The following NELL1 variants were observed in gnomAD, a reference collection of about 807,000 sequenced individuals.
The protein encoded by NELL1 is protein kinase C-binding protein NELL1.
A neutral mutation model predicts 107.4 loss-of-function variants in NELL1; 76 were observed. That is an observed-to-expected ratio of 0.71 (90% CI 0.59 to 0.86). The LOEUF is 0.86. Ranked by LOEUF, NELL1 falls within the 40% of genes least tolerant of loss-of-function variation. NELL1 has a pLI of 0.00. For synonymous variants in NELL1, 353 were observed against 341.2 expected, an observed-to-expected ratio of 1.03 and a Z score of -0.38; for missense variants, 1,024 against 1,005.5, an observed-to-expected ratio of 1.02 and a Z score of -0.25.
intron 15 of NELL1, among the ~76,000 whole-genome samples, chr11:21,510,309 G>A (rs1340527029): frequency 2.0e-5 from 3 of 152,224 alleles, no homozygotes; most frequent in African/African-American, 7.2e-5. Flanking sequence ...CTGGAGGGGA[G>A]CACAGAATCC....
chr11:21,120,495 C>T (rs1212504763), intron 13 of NELL1, among the ~76,000 whole-genome samples: 1 of 152,104 alleles, frequency 6.6e-6, no homozygotes, highest in Non-Finnish European at 1.5e-5. Context: ...TCATCATTAT[C>T]TTTCAGGCCC....
intron 2 of NELL1, among the ~76,000 whole-genome samples, chr11:20,775,726 T>C (rs1856738305): frequency 6.6e-6 from 1 of 152,210 alleles, no homozygotes; most frequent in African/African-American, 2.4e-5. Context: ...ACTAGTATTG[T>C]CAAATGTTTT....
At chr11:20,810,415 T>C (rs1473465042) in intron 3 of NELL1, among the ~76,000 whole-genome samples, 1 of 152,194 alleles carries the variant, frequency 6.6e-6, no homozygotes, top group Non-Finnish European at 1.5e-5. Flanking sequence ...TGTATTATTC[T>C]TATGCCTTTG....
chr11:20,806,274 GTGTGTGTGTGTT>G (rs1857382754), intron 3 of NELL1, among the ~76,000 whole-genome samples: 1 of 151,646 alleles, frequency 6.6e-6, no homozygotes, highest in South Asian at 2.2e-4. Flanking sequence ...GTGTGTGTGT[GTGTGTGTGTGTT>G]TGTGTTTGTG....
At chr11:21,493,153 A>G (rs754786905) in intron 15 of NELL1, among the ~76,000 whole-genome samples, 2 of 152,128 alleles carry the variant, frequency 1.3e-5, no homozygotes, top group Non-Finnish European at 1.5e-5. Flanking sequence ...GTAAATTAGT[A>G]AAACCACTAT....
At chr11:21,570,290 C>T (rs1412178857) in intron 17 of NELL1, among the ~76,000 whole-genome samples, 2 of 151,728 alleles carry the variant, frequency 1.3e-5, no homozygotes, top group Non-Finnish European at 1.5e-5. Context: ...GTGGTTTAGC[C>T]TCTCTGGGTC....
intron 3 of NELL1, among the ~76,000 whole-genome samples, chr11:20,838,822 C>G (rs1454902376): frequency 6.6e-6 from 1 of 152,092 alleles, no homozygotes; most frequent in Non-Finnish European, 1.5e-5. Context: ...ACCACTACAA[C>G]TACAACCACC....
intron 13 of NELL1, among the ~76,000 whole-genome samples, chr11:21,193,381 AG>A (rs905006886): frequency 9.9e-5 from 15 of 151,940 alleles, no homozygotes; most frequent in African/African-American, 3.6e-4. Context: ...TAATTTTTCA[AG>A]AACTGGAGAA....
chr11:21,561,990 T>C (rs559647438), intron 17 of NELL1, among the ~76,000 whole-genome samples: 2 of 152,008 alleles, frequency 1.3e-5, no homozygotes, highest in Non-Finnish European at 2.9e-5. Flanking sequence ...TGCTAGGTCA[T>C]TTCAAGAAAC....
chr11:21,467,792 C>T (rs1003986896), intron 15 of NELL1, among the ~76,000 whole-genome samples: 1 of 151,924 alleles, frequency 6.6e-6, no homozygotes, highest in African/African-American at 2.4e-5. Flanking sequence ...GATGGTGAAC[C>T]GCTGCAATAG....
At chr11:21,003,235 T>A (rs1009348041) in intron 12 of NELL1, among the ~76,000 whole-genome samples, 1 of 152,142 alleles carries the variant, frequency 6.6e-6, no homozygotes, top group African/African-American at 2.4e-5. Flanking sequence ...TATAAACATA[T>A]AACTTCTTTT....
At chr11:20,880,429 A>C (rs1849385991) in intron 4 of NELL1, among the ~76,000 whole-genome samples, 1 of 152,238 alleles carries the variant, frequency 6.6e-6, no homozygotes. Context: ...AGTTAACAGT[A>C]ATATCCTTAT....
chr11:20,790,754 G>A (rs937258158), intron 3 of NELL1, among the ~76,000 whole-genome samples: 7 of 152,168 alleles, frequency 4.6e-5, no homozygotes, highest in African/African-American at 1.7e-4. Flanking sequence ...GCTGCAAGTG[G>A]GCGGCTGCAG....
At chr11:20,954,359 G>A (rs559149840) in intron 11 of NELL1, among the ~76,000 whole-genome samples, 1 of 152,024 alleles carries the variant, frequency 6.6e-6, no homozygotes, top group Non-Finnish European at 1.5e-5. Context: ...TCTCCCACTA[G>A]GATCTGTGTC....
chr11:20,961,468 T>G (rs1247920090), intron 12 of NELL1, among the ~76,000 whole-genome samples: 3 of 152,144 alleles, frequency 2.0e-5, no homozygotes, highest in African/African-American at 7.2e-5. Flanking sequence ...TGCACCATGA[T>G]GATTTGGGTA....
intron 12 of NELL1, among the ~76,000 whole-genome samples, chr11:21,083,045 G>T (rs1854306027): frequency 1.3e-5 from 2 of 152,214 alleles, no homozygotes; most frequent in Admixed American, 1.3e-4. Flanking sequence ...TGAATATTCA[G>T]ATAGAGGTCT....
At chr11:21,172,346 G>A (rs1292407730) in intron 13 of NELL1, among the ~76,000 whole-genome samples, 1 of 151,782 alleles carries the variant, frequency 6.6e-6, no homozygotes, top group African/African-American at 2.4e-5. Context: ...CTGGCTTCGT[G>A]TATCAGCCTG....
chr11:20,858,934 G>A (rs1848929495), intron 4 of NELL1, among the ~76,000 whole-genome samples: 1 of 152,188 alleles, frequency 6.6e-6, no homozygotes, highest in African/African-American at 2.4e-5. Flanking sequence ...CTGATAAGGT[G>A]TACCATTGCC....
At chr11:20,835,329 T>C (rs1848514674) in intron 3 of NELL1, among the ~76,000 whole-genome samples, 1 of 151,018 alleles carries the variant, frequency 6.6e-6, no homozygotes, top group Non-Finnish European at 1.5e-5. Flanking sequence ...TAAGTGCTTG[T>C]TGCTTACTTA....
Sources: allele counts gnomAD v4.1 joint callset (sites outside exome capture counted in the v4.1 genomes callset), GRCh38; gene constraint gnomAD v4.1.1; transcripts MANE v1.5; gene names NCBI Gene and HGNC (gene_info 2026-07-23, HGNC 2026-07-21).